The following SLC25A48 variants were observed in gnomAD, a reference collection of about 807,000 sequenced individuals.
SLC25A48 encodes CTC-321K16.1.
Under a neutral mutation model 32.2 loss-of-function variants are expected in SLC25A48, and 29 were observed. That is an observed-to-expected ratio of 0.90 (90% CI 0.67 to 1.23). The LOEUF (loss-of-function observed/expected upper bound fraction) is 1.23. Among genes scored for constraint, SLC25A48 ranks in the 50% most tolerant of loss-of-function variants. The probability of loss-of-function intolerance (pLI) is 0.00; values close to 1 mark genes in which losing one functional copy is unlikely to be tolerated. For synonymous variants in SLC25A48, 164 were observed against 172.3 expected, an observed-to-expected ratio of 0.95 and a Z score of 0.38; for missense variants, 399 against 422.7, an observed-to-expected ratio of 0.94 and a Z score of 0.49.
intron 3 of SLC25A48, among the ~76,000 whole-genome samples, chr5:135,717,640 C>T (rs545447804): frequency 9.9e-5 from 15 of 152,204 alleles, no homozygotes; most frequent in Non-Finnish European, 1.8e-4. Flanking sequence ...GGAAAAGTGT[C>T]GCATGATGGG....
At chr5:135,765,676 C>A (rs1439396428) in intron 3 of SLC25A48, among the ~76,000 whole-genome samples, 7 of 151,022 alleles carry the variant, frequency 4.6e-5, no homozygotes, top group Non-Finnish European at 7.4e-5. Context: ...GGGGCGTACA[C>A]CACCCTGTAA....
intron 3 of SLC25A48, among the ~76,000 whole-genome samples, chr5:135,683,656 G>A (rs1001173219): frequency 1.1e-4 from 16 of 152,156 alleles, no homozygotes; most frequent in African/African-American, 3.9e-4. Context: ...TCCTAGGAAT[G>A]GACCTGATAG....
intron 5 of SLC25A48, chr5:135,872,627 A>G (rs941611447): frequency 1.3e-5 from 2 of 152,288 alleles, no homozygotes; most frequent in African/African-American, 2.4e-5. Flanking sequence ...GGGTTCTGCT[A>G]TGCTGTAATG....
At chr5:135,753,181 C>T (rs1475973565) in intron 3 of SLC25A48, among the ~76,000 whole-genome samples, 1 of 151,842 alleles carries the variant, frequency 6.6e-6, no homozygotes, top group Non-Finnish European at 1.5e-5. Flanking sequence ...GCAGTAATGT[C>T]TTGAGGATAT....
At chr5:135,839,765 G>A (rs1182745518) in intron 1 of SLC25A48, among the ~76,000 whole-genome samples, 1 of 152,146 alleles carries the variant, frequency 6.6e-6, no homozygotes, top group Non-Finnish European at 1.5e-5. Context: ...AGACCCAGTG[G>A]GAGGTAATTG....
At chr5:135,881,153 G>T (rs1038035364) in intron 7 of SLC25A48, among the ~76,000 whole-genome samples, 1 of 152,214 alleles carries the variant, frequency 6.6e-6, no homozygotes, top group Non-Finnish European at 1.5e-5. Flanking sequence ...CTCATTGTCT[G>T]GCCCCATACC....
chr5:135,881,499 T>A (rs1387486496), intron 7 of SLC25A48, among the ~76,000 whole-genome samples: 1 of 152,250 alleles, frequency 6.6e-6, no homozygotes, highest in African/African-American at 2.4e-5. Flanking sequence ...ACAGCTTCTC[T>A]GGCTATTTGC....
chr5:135,786,037 C>T (rs1204898753), intron 3 of SLC25A48, among the ~76,000 whole-genome samples: 1 of 151,078 alleles, frequency 6.6e-6, no homozygotes, highest in Non-Finnish European at 1.5e-5. Context: ...TATTTCTCCC[C>T]GTGGGGCTGG....
chr5:135,744,352 CA>C (rs775671059), intron 3 of SLC25A48, among the ~76,000 whole-genome samples: 13 of 139,130 alleles, frequency 9.3e-5, no homozygotes, highest in Non-Finnish European at 1.9e-4. Context: ...TTTTTCTCTC[CA>C]TTTTTTTTTT....
chr5:135,688,806 T>C (rs1754077927), intron 3 of SLC25A48, among the ~76,000 whole-genome samples: 1 of 152,168 alleles, frequency 6.6e-6, no homozygotes, highest in Non-Finnish European at 1.5e-5. Context: ...CACCAGCAGC[T>C]GCCCCCACTC....
intron 3 of SLC25A48, among the ~76,000 whole-genome samples, chr5:135,739,503 C>T (rs1050959165): frequency 5.9e-5 from 9 of 152,108 alleles, no homozygotes; most frequent in South Asian, 2.1e-4. Flanking sequence ...GATCCAAGGC[C>T]GTTTGGCAAT....
At chr5:135,831,123 G>A (rs1580934953), upstream of SLC25A48, among the ~76,000 whole-genome samples, 1 of 152,176 alleles carries the variant, frequency 6.6e-6, no homozygotes, top group South Asian at 2.1e-4. Context: ...AAAGCTCTGT[G>A]GGGGAAATGT....
At chr5:135,671,242 A>G (rs1437000299) in intron 3 of SLC25A48, among the ~76,000 whole-genome samples, 1 of 152,244 alleles carries the variant, frequency 6.6e-6, no homozygotes, top group Non-Finnish European at 1.5e-5. Context: ...GTGTGCCCAT[A>G]CAAGCCCAGA....
chr5:135,724,820 C>T (rs186444310), intron 3 of SLC25A48, among the ~76,000 whole-genome samples: 1 of 152,206 alleles, frequency 6.6e-6, no homozygotes, highest in Non-Finnish European at 1.5e-5. Context: ...CAGGCTGGTG[C>T]CATCATGTAA....
Position 135,776,093 on chromosome 5 carries a change from C to T in SLC25A48, c.-520-36430C>T, listed in dbSNP as rs572268036. Among the ~76,000 whole-genome samples, 7 of 151,866 alleles carry T rather than the reference C, an allele frequency of 4.6e-5. No homozygotes were observed. In the South Asian group the frequency reaches 1.5e-3, roughly 32 times the overall value. On this transcript the variant is annotated intron_variant, in intron 3 of 10. Coordinates refer to the SLC25A48 transcript ENST00000646290. ...AATATCGCAGAAGGTGTACACGTCCCCTGTGATATTGTTCCTAATTCCAGG... is the reference window on the plus strand; with the variant it reads ...AATATCGCAGAAGGTGTACACGTCCTCTGTGATATTGTTCCTAATTCCAGG...
intron 3 of SLC25A48, among the ~76,000 whole-genome samples, chr5:135,746,020 A>G (rs139630184): frequency 3.3e-5 from 5 of 152,252 alleles, no homozygotes; most frequent in African/African-American, 1.2e-4. Flanking sequence ...CATCCGTGCC[A>G]CATCCTTTGC....
chr5:135,757,145 G>A (rs745904561), intron 3 of SLC25A48, among the ~76,000 whole-genome samples: 30 of 149,956 alleles, frequency 2.0e-4, no homozygotes, highest in Admixed American at 6.6e-4. Context: ...TGATATGAAT[G>A]ATATGAATAA....
At chr5:135,658,570 T>C (rs188347623) in intron 3 of SLC25A48, among the ~76,000 whole-genome samples, 1 of 152,302 alleles carries the variant, frequency 6.6e-6, no homozygotes, top group Admixed American at 6.5e-5. Flanking sequence ...AGCTCCACTA[T>C]GCAGTGCCCT....
At chr5:135,655,122 A>C (rs1258913131) in intron 3 of SLC25A48, among the ~76,000 whole-genome samples, 3 of 152,158 alleles carry the variant, frequency 2.0e-5, no homozygotes, top group African/African-American at 7.2e-5. Context: ...CAAAGCGGGA[A>C]GCGAATCCGA....
Sources: allele counts gnomAD v4.1 joint callset (sites outside exome capture counted in the v4.1 genomes callset), GRCh38; gene constraint gnomAD v4.1.1; transcripts MANE v1.5; gene names NCBI Gene and HGNC (gene_info 2026-07-23, HGNC 2026-07-21).